The following ARHGAP19 variants were observed in gnomAD, a reference collection of about 807,000 sequenced individuals.
ARHGAP19 encodes the protein rho GTPase-activating protein 19.
Under a neutral mutation model 60.9 loss-of-function variants are expected in ARHGAP19, and 48 were observed. That is an observed-to-expected ratio of 0.79 (90% CI 0.62 to 1.00). The LOEUF (loss-of-function observed/expected upper bound fraction) is 1.00. Ranked by LOEUF, ARHGAP19 falls within the 50% of genes least tolerant of loss-of-function variation. ARHGAP19 has a pLI of 0.00. For synonymous variants in ARHGAP19, 209 were observed against 215.5 expected, an observed-to-expected ratio of 0.97 and a Z score of 0.27; for missense variants, 562 against 597.2, an observed-to-expected ratio of 0.94 and a Z score of 0.61.
chr10:97,253,765 A>T (rs1842720393), intron 6 of ARHGAP19, among the ~76,000 whole-genome samples: 1 of 152,218 alleles, frequency 6.6e-6, no homozygotes, highest in South Asian at 2.1e-4. Flanking sequence ...ATAAATATGT[A>T]CAAATATTAT....
intron 6 of ARHGAP19, among the ~76,000 whole-genome samples, chr10:97,250,528 C>T (rs1473602224): frequency 4.0e-5 from 6 of 151,584 alleles, no homozygotes; most frequent in African/African-American, 1.2e-4. Flanking sequence ...AGACTACAGG[C>T]GCCCACCACC....
chr10:97,282,782 T>TATAG (rs1843101814), intron 1 of ARHGAP19, among the ~76,000 whole-genome samples: 1 of 152,090 alleles, frequency 6.6e-6, no homozygotes, highest in Non-Finnish European at 1.5e-5. Context: ...AATCCCCAGT[T>TATAG]ATAGTTTATA....
intron 8 of ARHGAP19, among the ~76,000 whole-genome samples, chr10:97,237,110 CA>C (rs1184108900): frequency 6.6e-6 from 1 of 151,324 alleles, no homozygotes; most frequent in East Asian, 1.9e-4. Context: ...ACAAAAAATA[CA>C]AAAATTAGCC....
chr10:97,229,932 C>A, intron 9 of ARHGAP19, 58 bp from the exon 10 acceptor site: 1 of 1,212,616 alleles, frequency 8.2e-7, no homozygotes. Flanking sequence ...TACAGTGGAG[C>A]TATACTAGCC....
At chr10:97,256,186 CACTGT>C (rs1842750248) in intron 6 of ARHGAP19, 127 bp downstream of exon 6, 3 of 757,242 alleles carry the variant, frequency 4.0e-6, no homozygotes, top group African/African-American at 1.7e-5. Flanking sequence ...TGGGTTTTGC[CACTGT>C]CCATTCTGGT....
chr10:97,269,322 G>A (rs903802344), intron 1 of ARHGAP19, among the ~76,000 whole-genome samples: 2 of 152,156 alleles, frequency 1.3e-5, no homozygotes, highest in African/African-American at 4.8e-5. Flanking sequence ...TGGTGGCTAG[G>A]AGATTCCTTC....
intron 6 of ARHGAP19, among the ~76,000 whole-genome samples, chr10:97,255,596 T>C (rs951597034): frequency 2.6e-5 from 4 of 151,962 alleles, no homozygotes; most frequent in Non-Finnish European, 5.9e-5. Flanking sequence ...GATGCTAAAA[T>C]TAAGAGATTC....
At chr10:97,266,344 A>C (rs145319383) in intron 1 of ARHGAP19, among the ~76,000 whole-genome samples, 8 of 152,274 alleles carry the variant, frequency 5.3e-5, no homozygotes, top group Non-Finnish European at 1.0e-4. Flanking sequence ...TAATTAATTC[A>C]GCTTTTCCCA....
At chr10:97,252,324 CAAA>C (rs35769409) in intron 6 of ARHGAP19, among the ~76,000 whole-genome samples, 1 of 133,796 alleles carries the variant, frequency 7.5e-6, no homozygotes. Context: ...GAGACTGTCT[CAAA>C]AAAAAAAAAA....
At chr10:97,263,296 T>C (rs1842854857) in intron 4 of ARHGAP19, 124 bp downstream of exon 4, 3 of 979,328 alleles carry the variant, frequency 3.1e-6, no homozygotes, top group Non-Finnish European at 4.6e-6. Flanking sequence ...TCCAGCAACA[T>C]CACGAAATCT....
At chr10:97,237,915 C>T (rs1372248208) in intron 8 of ARHGAP19, among the ~76,000 whole-genome samples, 1 of 152,076 alleles carries the variant, frequency 6.6e-6, no homozygotes, top group East Asian at 1.9e-4. Flanking sequence ...AATAATGTTA[C>T]TGGTTTATGT....
At chr10:97,292,449 G>C (rs1163771832) in intron 1 of ARHGAP19, 123 bp downstream of exon 1, 1 of 1,309,228 alleles carries the variant, frequency 7.6e-7, no homozygotes, top group African/African-American at 1.5e-5. Flanking sequence ...GCGCGACGAT[G>C]AGAAACGCCG....
chr10:97,259,668 A>G, intron 4 of ARHGAP19, 40 bp from the exon 5 acceptor site: 1 of 1,494,144 alleles, frequency 6.7e-7, no homozygotes, highest in Non-Finnish European at 9.3e-7. Context: ...GGGAGAAAAT[A>G]TCAGCAAGAA....
intron 1 of ARHGAP19, among the ~76,000 whole-genome samples, chr10:97,284,519 G>A (rs978314494): frequency 6.6e-6 from 1 of 151,996 alleles, no homozygotes; most frequent in African/African-American, 2.4e-5. Context: ...TATACTGGGG[G>A]TTTTTTGAGG....
chr10:97,244,113 A>T lies in ARHGAP19; in HGVS notation c.1040T>A (p.Leu347Gln), dbSNP rs775950755. 1.2e-6 allele frequency: 2 copies of T among 1,614,082 alleles called. No homozygotes were observed. Residue 347 changes from leucine to glutamine, a missense_variant, in exon 8 of 12, where the codon CTG (leucine) becomes CAG (glutamine). By Grantham distance (113) the Leu-to-Gln change is moderately radical (BLOSUM62 -2). Transcript: ENST00000358531. ...CCGGTTCCGTTTCTGAGACTTTGCC[A>T]GCTGAAAGGACTTAGTATGACATGA... ...IASCHTKSFQ[L>Q]AKSQKRNRVD...
chr10:97,233,545 G>A (rs1851066490), intron 9 of ARHGAP19, among the ~76,000 whole-genome samples: 1 of 152,112 alleles, frequency 6.6e-6, no homozygotes, highest in South Asian at 2.1e-4. Flanking sequence ...CACAAGAACA[G>A]AAAACCAAAC....
chr10:97,264,971 A>C, intron 2 of ARHGAP19, 65 bp from the exon 3 acceptor site: 2 of 1,204,606 alleles, frequency 1.7e-6, no homozygotes, highest in African/African-American at 1.5e-5. Context: ...ATCATACCTA[A>C]AACCACTCAA....
intron 6 of ARHGAP19, among the ~76,000 whole-genome samples, chr10:97,250,574 C>T (rs962339096): frequency 6.6e-6 from 1 of 151,676 alleles, no homozygotes; most frequent in African/African-American, 2.4e-5. Flanking sequence ...GATGGGGTTT[C>T]ACCGTGTTGA....
At chr10:97,237,850 G>C (rs924487770) in intron 8 of ARHGAP19, among the ~76,000 whole-genome samples, 1 of 151,438 alleles carries the variant, frequency 6.6e-6, no homozygotes, top group Non-Finnish European at 1.5e-5. Flanking sequence ...CAGCCTGGGC[G>C]AAAGAGCGAG....
Sources: allele counts gnomAD v4.1 joint callset (sites outside exome capture counted in the v4.1 genomes callset), GRCh38; gene constraint gnomAD v4.1.1; transcripts MANE v1.5; gene names NCBI Gene and HGNC (gene_info 2026-07-23, HGNC 2026-07-21).